SSU72: variants seen among roughly 807,000 people sequenced by gnomAD.
The protein encoded by SSU72 is RNA polymerase II subunit A C-terminal domain phosphatase SSU72.
SSU72 carries 12 observed loss-of-function variants against 22.7 expected under a neutral mutation model. The observed-to-expected ratio is 0.53, with a 90% confidence interval of 0.34 to 0.86. The LOEUF (loss-of-function observed/expected upper bound fraction) is 0.86. Among genes scored for constraint, SSU72 ranks in the 40% least tolerant of loss-of-function variants. The pLI is 0.02. For synonymous variants in SSU72, 116 were observed against 98.3 expected, an observed-to-expected ratio of 1.18 and a Z score of -1.06; for missense variants, 151 against 249.8, an observed-to-expected ratio of 0.60 and a Z score of 2.67.
rs1056595981 is a variant in SSU72, at chr1:1,542,474, A to G, written c.484-307T>C. ...TGGCGGCCAGGGCTCAGACCCACAC[A>G]TGCACAGCGGGGCCGACCAACCCTC... On this transcript the variant is annotated intron_variant, in intron 4 of 4. Coordinates refer to ENST00000291386, the MANE Select transcript of SSU72 (RefSeq NM_014188.3). The surrounding 1 kb of genome is among the most constrained non-coding windows in gnomAD (Gnocchi z 4.4). Among the ~76,000 whole-genome samples the G allele has an allele frequency of 6.6e-6, 1 of 152,058 alleles. No individual in the cohort carries two copies. The highest frequency in any genetic ancestry group is 2.4e-5 in the African/African-American group (1 of 41,390).
chr1:1,560,357 G>T (rs1257028222), intron 2 of SSU72, among the ~76,000 whole-genome samples: 6 of 151,774 alleles, frequency 4.0e-5, no homozygotes, highest in Non-Finnish European at 8.8e-5. Context: ...TGCTGCCCAG[G>T]CTGGCCTCCG....
intron 2 of SSU72, among the ~76,000 whole-genome samples, chr1:1,553,282 T>C (rs1013274114): frequency 1.3e-5 from 2 of 152,002 alleles, no homozygotes; most frequent in Admixed American, 1.3e-4. Flanking sequence ...AGACAGAACA[T>C]AAGGGACTTC....
At chr1:1,546,346 G>A (rs1570381077) in intron 2 of SSU72, 1 of 152,356 alleles carries the variant, frequency 6.6e-6, no homozygotes, top group East Asian at 1.9e-4. Flanking sequence ...ACTGTCAGCA[G>A]CGTGGAAGTC....
chr1:1,543,992 T>C lies in SSU72; in HGVS notation c.365-5A>G, dbSNP rs752830571. 5 of 1,609,196 alleles carry C rather than the reference T, an allele frequency of 3.1e-6. No individual in the cohort carries two copies. The Admixed American group carries it at 5.0e-5, about 16-fold the overall frequency. On this transcript the variant is annotated splice_polypyrimidine_tract_variant and splice_region_variant and intron_variant, in intron 3 of 4. Coordinates refer to ENST00000291386, the MANE Select transcript of SSU72 (RefSeq NM_014188.3). ...CCTGTTCTCTGGAATTCAGATCTGA[T>C]TGGGACAAGGTGACACAGACGTCAG...
intron 2 of SSU72, chr1:1,546,218 G>A (rs1168952920): frequency 1.3e-5 from 2 of 152,246 alleles, no homozygotes; most frequent in African/African-American, 2.4e-5. Flanking sequence ...TAGCTGACAG[G>A]AATTCTAAGT....
chr1:1,549,485 C>T (rs575151822), intron 2 of SSU72, among the ~76,000 whole-genome samples: 10 of 149,616 alleles, frequency 6.7e-5, no homozygotes, highest in Non-Finnish European at 1.5e-4. Flanking sequence ...CACCACCGCA[C>T]TCCAGCCTGG....
Position 1,574,652 on chromosome 1 carries a change from GC to G in SSU72, c.-96del. 1.6e-6 allele frequency: 2 copies of G among 1,248,486 alleles called. No individual in the cohort carries two copies. The highest frequency in any genetic ancestry group is 2.1e-6 in the Non-Finnish European group (2 of 955,226). The allele number at this position is 1,248,486 out of a possible 1,614,324, so 77.3% of individuals were successfully genotyped here. A position where few individuals can be genotyped will look rare whatever the true frequency, so the allele number is the denominator to read the frequency against. ...AAAATGGCGGCCGCGGTGGCCGGAA[GC>G]GGGCGACGCGAAACGACGGCGCCGG... On this transcript the variant is annotated 5_prime_UTR_variant, in exon 1 of 5. Transcript: ENST00000291386.
rs1424150663 is a variant in SSU72, at chr1:1,554,287, AGACG to A, written c.225-9289_225-9286del. On this transcript the variant is annotated intron_variant, in intron 2 of 4. Transcript: ENST00000291386. This position sits in a 1 kb window ranked among gnomAD's most constrained non-coding sequence, Gnocchi z 4.1. ...GGGGGCCCCCACGAAGCTGAGCACG[AGACG>A]GATCCGGACCACTCGGGGGTCCCCA... Among the ~76,000 whole-genome samples, 13 of 150,352 alleles carry A rather than the reference AGACG, an allele frequency of 8.6e-5. No homozygotes were observed. The highest frequency in any genetic ancestry group is 2.2e-4 in the African/African-American group (9 of 40,456).
chr1:1,544,433 C>T (rs1642367324), intron 3 of SSU72, among the ~76,000 whole-genome samples: 2 of 152,084 alleles, frequency 1.3e-5, no homozygotes, highest in South Asian at 4.1e-4. Flanking sequence ...GCCTGGCCAA[C>T]ATGGTGAAAC....
At chr1:1,566,048 G>C (rs1195302321) in intron 1 of SSU72, among the ~76,000 whole-genome samples, 1 of 151,844 alleles carries the variant, frequency 6.6e-6, no homozygotes, top group Non-Finnish European at 1.5e-5. Context: ...CCTGAGGCTG[G>C]GAGTTTCAGA....
chr1:1,548,572 A>AAAAAAAC (rs1642420726), intron 2 of SSU72, among the ~76,000 whole-genome samples: 1 of 143,526 alleles, frequency 7.0e-6, no homozygotes. Context: ...AAAAAAAAAA[A>AAAAAAAC]AAAACTCCCA....
intron 2 of SSU72, among the ~76,000 whole-genome samples, chr1:1,547,837 GGA>G (rs1642410528): frequency 6.6e-6 from 1 of 152,226 alleles, no homozygotes; most frequent in African/African-American, 2.4e-5. Context: ...GGGAGGAAGG[GGA>G]GAGAGGCGCC....
At chr1:1,556,564 T>C (rs77860100) in intron 2 of SSU72, among the ~76,000 whole-genome samples, 1,726 of 152,224 alleles carry the variant, frequency 0.011, 32 homozygotes, top group African/African-American at 0.039. Context: ...AATTTCATTT[T>C]GATAGCGAAT....
At position 1,574,648 on chromosome 1, in the gene SSU72, G is replaced by A. The variant is rs986752045; in HGVS notation, c.-91C>T. The A allele has an allele frequency of 3.1e-6, 4 of 1,276,742 alleles. No homozygotes were observed. Among genetic ancestry groups the A allele is most frequent in the Admixed American group, 6.2e-5 (2 of 32,156 alleles). 79.1% of individuals were successfully genotyped at this position (1,276,742 alleles called of 1,614,324 possible). A position where few individuals can be genotyped will look rare whatever the true frequency, so the allele number is the denominator to read the frequency against. On this transcript the variant is annotated 5_prime_UTR_variant, in exon 1 of 5. Transcript: ENST00000291386. ...GAACAAAATGGCGGCCGCGGTGGCCGGAAGCGGGCGACGCGAAACGACGGC... is the reference window on the plus strand; with the variant it reads ...GAACAAAATGGCGGCCGCGGTGGCCAGAAGCGGGCGACGCGAAACGACGGC...
intron 1 of SSU72, among the ~76,000 whole-genome samples, chr1:1,565,254 T>C (rs1642645273): frequency 6.6e-6 from 1 of 152,054 alleles, no homozygotes; most frequent in Non-Finnish European, 1.5e-5. Context: ...GCACCTGTAG[T>C]CCCAGCTACT....
intron 1 of SSU72, among the ~76,000 whole-genome samples, chr1:1,566,713 G>A (rs1278273943): frequency 3.3e-5 from 5 of 152,180 alleles, no homozygotes; most frequent in African/African-American, 9.6e-5. Context: ...TTAGGCGGGC[G>A]AGGCGGCGGG....
At chr1:1,570,499 A>G (rs569082229) in intron 1 of SSU72, among the ~76,000 whole-genome samples, 2 of 151,782 alleles carry the variant, frequency 1.3e-5, no homozygotes, top group South Asian at 4.2e-4. Context: ...AGATGGACAC[A>G]AGCCACAAGC....
At chr1:1,553,343 A>T (rs1642476887) in intron 2 of SSU72, among the ~76,000 whole-genome samples, 1 of 152,186 alleles carries the variant, frequency 6.6e-6, no homozygotes, top group Non-Finnish European at 1.5e-5. Context: ...AAAAAATAAT[A>T]ATACAGTAGT....
rs953938286 is a variant in SSU72 at position 1,542,347 on chromosome 1, C to G, written c.484-180G>C. Among the ~76,000 whole-genome samples, 2 of 152,254 alleles carry G rather than the reference C, an allele frequency of 1.3e-5. No homozygotes were observed. Among genetic ancestry groups the G allele is most frequent in the East Asian group, 3.9e-4 (2 of 5,176 alleles). ...CGGAGGCTGCAGGGGGAGAGCGTCC[C>G]GGGCAGCCCCCACCTCCCCACCGAC... On this transcript the variant is annotated intron_variant, in intron 4 of 4. Transcript: ENST00000291386. This position sits in a 1 kb window ranked among gnomAD's most constrained non-coding sequence, Gnocchi z 4.4.
Sources: gnomAD v4.1 joint callset for allele counts (sites outside exome capture counted in the v4.1 genomes callset) on GRCh38, gnomAD v4.1.1 for gene constraint, Gnocchi (gnomAD v3.1) non-coding constraint, MANE v1.5 for transcripts, NCBI Gene and HGNC (gene_info 2026-07-23, HGNC 2026-07-21) for gene names.